Variants in CFDP1 observed in about 807,000 individuals in gnomAD.
CFDP1 encodes heterochromatin-stabilizing protein CFDP1.
CFDP1 carries 31 observed loss-of-function variants against 40.1 expected under a neutral mutation model. The observed-to-expected ratio is 0.77, with a 90% CI of 0.58 to 1.04. The LOEUF is 1.04. Ranked by LOEUF, CFDP1 falls within the 50% of genes least tolerant of loss-of-function variation. The pLI is 0.00. For missense variants in CFDP1, 423 were observed against 343.4 expected, an observed-to-expected ratio of 1.23 and a Z score of -1.83; for synonymous variants, 167 against 120.0, an observed-to-expected ratio of 1.39 and a Z score of -2.56.
chr16:75,419,067 C>A, intron 1 of CFDP1: 1 of 418,992 alleles, frequency 2.4e-6, no homozygotes, highest in Non-Finnish European at 4.9e-6. Context: ...CACTTGAGCC[C>A]AGGAATTGAA....
intron 5 of CFDP1, among the ~76,000 whole-genome samples, chr16:75,384,552 G>C (rs568267797): frequency 6.6e-6 from 1 of 152,210 alleles, no homozygotes; most frequent in East Asian, 1.9e-4. Context: ...GCAGCTATTA[G>C]AATTTAAGAT....
chr16:75,371,795 T>C (rs2151540186), intron 5 of CFDP1, among the ~76,000 whole-genome samples: 1 of 152,318 alleles, frequency 6.6e-6, no homozygotes, highest in African/African-American at 2.4e-5. Context: ...AAATGTTGAT[T>C]AAATCTATAT....
chr16:75,370,859 C>A (rs1245283521), intron 5 of CFDP1, among the ~76,000 whole-genome samples: 1 of 151,976 alleles, frequency 6.6e-6, no homozygotes, highest in Non-Finnish European at 1.5e-5. Flanking sequence ...AAGACTGTCT[C>A]AAAAATTTAA....
At chr16:75,303,503 A>ACCT in intron 6 of CFDP1, among the ~76,000 whole-genome samples, 1 of 128,150 alleles carries the variant, frequency 7.8e-6, no homozygotes, top group South Asian at 2.9e-4. Flanking sequence ...TAGAAATATG[A>ACCT]CCCCCCCCAA....
chr16:75,344,428 C>T (rs1808184946), intron 5 of CFDP1, among the ~76,000 whole-genome samples: 2 of 152,122 alleles, frequency 1.3e-5, no homozygotes, highest in Admixed American at 6.5e-5. Flanking sequence ...AATCATGGGA[C>T]TTATGCCATT....
chr16:75,342,308 C>T (rs532540529), intron 5 of CFDP1, among the ~76,000 whole-genome samples: 1 of 152,316 alleles, frequency 6.6e-6, no homozygotes, highest in South Asian at 2.1e-4. Flanking sequence ...AGTCACAAAT[C>T]CTTGTTGGCA....
chr16:75,335,073 C>G (rs1402300716), intron 5 of CFDP1, among the ~76,000 whole-genome samples: 1 of 152,068 alleles, frequency 6.6e-6, no homozygotes, highest in Non-Finnish European at 1.5e-5. Context: ...GGCTCATGTA[C>G]CCCTAAAATT....
chr16:75,312,992 C>T (rs1259954072), intron 5 of CFDP1, among the ~76,000 whole-genome samples: 1 of 152,182 alleles, frequency 6.6e-6, no homozygotes, highest in African/African-American at 2.4e-5. Context: ...GCTAACTGAC[C>T]TGCTGGGCAG....
chr16:75,415,869 T>C (rs72787163), intron 1 of CFDP1, among the ~76,000 whole-genome samples: 10,121 of 152,264 alleles, frequency 0.066, 366 homozygotes, highest in Middle Eastern at 0.13. Context: ...TATTTATTTA[T>C]TGAGACGGAG....
intron 5 of CFDP1, among the ~76,000 whole-genome samples, chr16:75,370,865 T>C (rs771133519): frequency 5.9e-5 from 9 of 151,914 alleles, no homozygotes; most frequent in Non-Finnish European, 1.0e-4. Context: ...GTCTCAAAAA[T>C]TTAAAAAAAG....
At chr16:75,313,189 A>T (rs573064518) in intron 5 of CFDP1, among the ~76,000 whole-genome samples, 2 of 152,196 alleles carry the variant, frequency 1.3e-5, no homozygotes, top group Non-Finnish European at 2.9e-5. Context: ...ACGTTTGATA[A>T]GTGTTAGGAA....
rs1222124619 is a variant in CFDP1, at chr16:75,332,813, C to CT, written c.651-27632dup. Among the ~76,000 whole-genome samples, 582 of 116,418 alleles carry CT rather than the reference C, an allele frequency of 5.0e-3. 3 individuals carry two copies. Among genetic ancestry groups the CT allele is most frequent in the African/African-American group, 5.6e-3 (177 of 31,846 alleles). The allele number at this position is 116,418 out of a possible 152,430, so 76.4% of individuals were successfully genotyped here. On this transcript the variant is annotated intron_variant, in intron 5 of 6. Transcript: ENST00000283882. ...TATTCATGTTCTTTTTTTTTTTTTCCTTTTTTTTTTTTGAGACAGAGTCTC... is the reference window on the plus strand; with the variant it reads ...TATTCATGTTCTTTTTTTTTTTTTCCTTTTTTTTTTTTTGAGACAGAGTCTC...
intron 4 of CFDP1, among the ~76,000 whole-genome samples, chr16:75,402,207 C>G (rs1287091096): frequency 6.6e-6 from 1 of 152,196 alleles, no homozygotes. Context: ...TAGACCACCT[C>G]TAACGCACAA....
At chr16:75,305,831 G>C (rs1339277106) in intron 5 of CFDP1, among the ~76,000 whole-genome samples, 5 of 152,102 alleles carry the variant, frequency 3.3e-5, no homozygotes, top group African/African-American at 1.2e-4. Context: ...CTGTGAGTTG[G>C]GCCCTGTTTT....
intron 5 of CFDP1, among the ~76,000 whole-genome samples, chr16:75,312,050 G>A (rs896964799): frequency 8.5e-5 from 13 of 152,094 alleles, no homozygotes; most frequent in African/African-American, 2.7e-4. Flanking sequence ...TTGAACCAAC[G>A]TTTCTCTTTC....
chr16:75,294,998 CT>C (rs2078172614), intron 6 of CFDP1, among the ~76,000 whole-genome samples: 2 of 152,328 alleles, frequency 1.3e-5, no homozygotes, highest in South Asian at 4.1e-4. Flanking sequence ...GAGGAGATCT[CT>C]GCTGCTAATT....
chr16:75,417,442 A>T (rs1411607812), intron 1 of CFDP1, among the ~76,000 whole-genome samples: 1 of 152,240 alleles, frequency 6.6e-6, no homozygotes, highest in Non-Finnish European at 1.5e-5. Flanking sequence ...TATACTCTTA[A>T]GTTAAACAGA....
At chr16:75,398,209 C>G (rs1346298818) in intron 4 of CFDP1, among the ~76,000 whole-genome samples, 1 of 152,226 alleles carries the variant, frequency 6.6e-6, no homozygotes, top group Non-Finnish European at 1.5e-5. Context: ...GTAGCAAGAG[C>G]TGACTGACAC....
At chr16:75,410,079 A>C (rs890949145) in intron 4 of CFDP1, among the ~76,000 whole-genome samples, 10 of 150,334 alleles carry the variant, frequency 6.7e-5, no homozygotes, top group Non-Finnish European at 1.3e-4. Flanking sequence ...AAAAAAAAAA[A>C]AAAAAAACCC....
Sources: gnomAD v4.1 joint callset for allele counts (sites outside exome capture counted in the v4.1 genomes callset) on GRCh38, gnomAD v4.1.1 for gene constraint, MANE v1.5 for transcripts, NCBI Gene and HGNC (gene_info 2026-07-23, HGNC 2026-07-21) for gene names.